Variants in RXRB observed in about 807,000 individuals in gnomAD.
The protein encoded by RXRB is retinoid X receptor beta.
Under a neutral mutation model 52.5 loss-of-function variants are expected in RXRB, and 18 were observed. The ratio of observed to expected loss-of-function variants is 0.34; its 90% confidence interval spans 0.24 to 0.51. The LOEUF is 0.51. Ranked by LOEUF, RXRB falls within the 20% of genes least tolerant of loss-of-function variation. RXRB has a pLI of 0.97. For missense variants in RXRB, 455 were observed against 698.2 expected, an observed-to-expected ratio of 0.65 and a Z score of 3.92; for synonymous variants, 233 against 267.1, an observed-to-expected ratio of 0.87 and a Z score of 1.25.
Position 33,196,251 on chromosome 6 carries a change from G to T in RXRB, c.993+183C>A. ...CTGCCAGTGGGTTGTTTGGGGAGTG[G>T]AGACAGAAGGAGCTATCACATCCAC... On this transcript the variant is annotated intron_variant, in intron 5 of 9. Coordinates refer to ENST00000374680, the MANE Select transcript of RXRB (RefSeq NM_021976.5). This position sits in a 1 kb window ranked among gnomAD's most constrained non-coding sequence, Gnocchi z 4.0. The T allele has an allele frequency of 1.1e-6, 1 of 908,794 alleles. No homozygotes were observed. Among genetic ancestry groups the T allele is most frequent in the Non-Finnish European group, 1.8e-6 (1 of 558,954 alleles). 56.3% of individuals were successfully genotyped at this position (908,794 alleles called of 1,614,324 possible).
Position 33,200,607 on chromosome 6 carries a change from C to G in RXRB, c.-131G>C, listed in dbSNP as rs1774438854. On this transcript the variant is annotated 5_prime_UTR_variant, in exon 1 of 10. Transcript: ENST00000374680. This position sits in a 1 kb window ranked among gnomAD's most constrained non-coding sequence, Gnocchi z 6.3. ...CTGGATTGGGTCGAATTAAGCCCGT[C>G]GCTCTGCTCAGTACCAAAATGACAG... 5 of 1,492,198 alleles carry G rather than the reference C, an allele frequency of 3.4e-6. No homozygotes were observed. The highest frequency in any genetic ancestry group is 4.5e-6 in the Non-Finnish European group (5 of 1,121,094). The allele number at this position is 1,492,198 out of a possible 1,614,324, so 92.4% of individuals were successfully genotyped here.
chr6:33,196,276 C>A lies in RXRB; in HGVS notation c.993+158G>T. ...GAGACAGAAGGAGCTATCACATCCA[C>A]CTCAGATGTTTGAAAGACCTTGTTT... On this transcript the variant is annotated intron_variant, in intron 5 of 9. Transcript: ENST00000374680. The surrounding 1 kb of genome is among the most constrained non-coding windows in gnomAD (Gnocchi z 4.0). 1 of 949,154 alleles carries A rather than the reference C, an allele frequency of 1.1e-6. No individual in the cohort carries two copies. Among genetic ancestry groups the A allele is most frequent in the Non-Finnish European group, 1.7e-6 (1 of 586,354 alleles). 58.8% of individuals were successfully genotyped at this position (949,154 alleles called of 1,614,324 possible). A position where few individuals can be genotyped will look rare whatever the true frequency, so the allele number is the denominator to read the frequency against.
chr6:33,199,273 G>T lies in RXRB; in HGVS notation c.379C>A (p.Pro127Thr). The change falls in exon 2 of 10, where the codon CCC (proline) becomes ACC (threonine). Residue 127 changes from proline (P) to threonine (T), a missense_variant. Physicochemically the swap from Pro to Thr is conservative, Grantham distance 38. Transcript: ENST00000374680. ...GAPPPPPMPPPPLGSPFPVIS... is the reference protein window; with the variant it reads ...GAPPPPPMPPTPLGSPFPVIS... ...ACTGGAAAGGGAGAGCCCAGTGGGG[G>T]TGGTGGCATCGGGGGTGGGGGTGGG... The T allele has an allele frequency of 1.9e-6, 2 of 1,037,162 alleles. No homozygotes were observed. Among genetic ancestry groups the T allele is most frequent in the African/African-American group, 1.7e-5 (1 of 60,226 alleles). 64.2% of individuals were successfully genotyped at this position (1,037,162 alleles called of 1,614,324 possible).
chr6:33,196,163 T>TA lies in RXRB; in HGVS notation c.994-128dup. 2 of 1,191,816 alleles carry TA rather than the reference T, an allele frequency of 1.7e-6. No homozygotes were observed. The highest frequency in any genetic ancestry group is 2.4e-6 in the Non-Finnish European group (2 of 822,760). 73.8% of individuals were successfully genotyped at this position (1,191,816 alleles called of 1,614,324 possible). A position where few individuals can be genotyped will look rare whatever the true frequency, so the allele number is the denominator to read the frequency against. On this transcript the variant is annotated intron_variant, in intron 5 of 9. Coordinates refer to ENST00000374680, the MANE Select transcript of RXRB (RefSeq NM_021976.5). The surrounding 1 kb of genome is among the most constrained non-coding windows in gnomAD (Gnocchi z 4.0). Reference sequence around the variant, plus strand: ...TGAGCCCCATCCAAACCAATCCCTGTAAGTGAGTCTTCTCTTCTGGCATTA... The same window carrying TA: ...TGAGCCCCATCCAAACCAATCCCTGTAAAGTGAGTCTTCTCTTCTGGCATTA...
At position 33,195,214 on chromosome 6, in the gene RXRB, C is replaced by T. The variant is rs373418260; in HGVS notation, c.1348+149G>A. 2 of 761,746 alleles carry T rather than the reference C, an allele frequency of 2.6e-6. No individual in the cohort carries two copies. The highest frequency in any genetic ancestry group is 1.6e-5 in the South Asian group (1 of 62,894). The allele number at this position is 761,746 out of a possible 1,614,324, so 47.2% of individuals were successfully genotyped here. A position where few individuals can be genotyped will look rare whatever the true frequency, so the allele number is the denominator to read the frequency against. On this transcript the variant is annotated intron_variant, in intron 8 of 9. Coordinates refer to ENST00000374680, the MANE Select transcript of RXRB (RefSeq NM_021976.5). This position sits in a 1 kb window ranked among gnomAD's most constrained non-coding sequence, Gnocchi z 8.6. ...GCCCACTGGGTTTGTGGGATGGATC[C>T]GTGGATGTGGGTTTTTCCTCGGCCA...
chr6:33,198,784 G>C, intron 2 of RXRB: 1 of 488,002 alleles, frequency 2.0e-6, no homozygotes, highest in Non-Finnish European at 3.8e-6. Context: ...CGTGGTGGTA[G>C]GCACCTGTAA....
At chr6:33,198,039 CCT>C (rs1012963663) in intron 3 of RXRB, 98 bp from the exon 4 acceptor site, 16 of 1,344,624 alleles carry the variant, frequency 1.2e-5, no homozygotes, top group African/African-American at 1.5e-5. Flanking sequence ...TAAAGTCCTC[CCT>C]GTTTGCCAAA....
Position 33,194,107 on chromosome 6 carries a change from C to T in RXRB, c.*575G>A, listed in dbSNP as rs1773669238. ...ATCTCCACCAGCCCCTTCACCACCACCACCACCTTTTTTATATTTCAGTCT... is the reference window on the plus strand; with the variant it reads ...ATCTCCACCAGCCCCTTCACCACCATCACCACCTTTTTTATATTTCAGTCT... On this transcript the variant is annotated 3_prime_UTR_variant, in exon 10 of 10. Coordinates refer to ENST00000374680, the MANE Select transcript of RXRB (RefSeq NM_021976.5). The surrounding 1 kb of genome is among the most constrained non-coding windows in gnomAD (Gnocchi z 4.1). 1 of 152,418 alleles carries T rather than the reference C, an allele frequency of 6.6e-6. No homozygotes were observed. Among genetic ancestry groups the T allele is most frequent in the Non-Finnish European group, 1.5e-5 (1 of 68,214 alleles). 9.4% of individuals were successfully genotyped at this position (152,418 alleles called of 1,614,324 possible).
rs771905536 is a variant in RXRB at position 33,194,942 on chromosome 6, C to T, written c.1454+3G>A. 4.3e-6 allele frequency: 7 copies of T among 1,612,288 alleles called. No individual in the cohort carries two copies. In the East Asian group the frequency reaches 1.1e-4, roughly 26 times the overall value. On this transcript the variant is annotated splice_donor_region_variant and intron_variant, in intron 9 of 9. Coordinates refer to ENST00000374680, the MANE Select transcript of RXRB (RefSeq NM_021976.5). The surrounding 1 kb of genome is among the most constrained non-coding windows in gnomAD (Gnocchi z 4.1). ...GCCTCAGTGCCCCCCAGCCCCATCT[C>T]ACCGTCCCTGCTGCTCAGGGTACTT...
chr6:33,200,801 G>C (rs1044998319), upstream of RXRB: 1 of 1,526,706 alleles, frequency 6.6e-7, no homozygotes, highest in Non-Finnish European at 8.8e-7. This position sits in a 1 kb window ranked among gnomAD's most constrained non-coding sequence, Gnocchi z 6.3. Flanking sequence ...GTGCAGGATG[G>C]ATTCGTCGCT....
Position 33,196,080 on chromosome 6 carries a change from G to T in RXRB, c.994-44C>A. ...AGAGTTATGGAAGATTTTGAGATAT[G>T]CTGGGAGCCCCCTTGTAAGAGGCTT... On this transcript the variant is annotated intron_variant, in intron 5 of 9. Coordinates refer to ENST00000374680, the MANE Select transcript of RXRB (RefSeq NM_021976.5). This position sits in a 1 kb window ranked among gnomAD's most constrained non-coding sequence, Gnocchi z 4.0. 1.2e-6 allele frequency: 2 copies of T among 1,610,764 alleles called. No individual in the cohort carries two copies. The highest frequency in any genetic ancestry group is 1.7e-6 in the Non-Finnish European group (2 of 1,178,228).
At position 33,194,492 on chromosome 6, in the gene RXRB, G is replaced by A; in HGVS notation, c.*190C>T. Reference sequence around the variant, plus strand: ...CGAAGAGAGACAACCAGTCCTCACAGGTATCTGGGGTCCCTTCCAACTTGG... The same window carrying A: ...CGAAGAGAGACAACCAGTCCTCACAAGTATCTGGGGTCCCTTCCAACTTGG... On this transcript the variant is annotated 3_prime_UTR_variant, in exon 10 of 10. Coordinates refer to ENST00000374680, the MANE Select transcript of RXRB (RefSeq NM_021976.5). This position sits in a 1 kb window ranked among gnomAD's most constrained non-coding sequence, Gnocchi z 4.1. The A allele has an allele frequency of 1.7e-6, 1 of 579,404 alleles. No individual in the cohort carries two copies. The highest frequency in any genetic ancestry group is 2.6e-5 in the South Asian group (1 of 38,412). 35.9% of individuals were successfully genotyped at this position (579,404 alleles called of 1,614,324 possible). A position where few individuals can be genotyped will look rare whatever the true frequency, so the allele number is the denominator to read the frequency against.
At position 33,200,483 on chromosome 6, in the gene RXRB, T is replaced by C. The variant is rs1266867594; in HGVS notation, c.-7A>G. ...GGCGAGCGGCCCAAGACATGATCCC[T>C]GGCTGAGAGTAGGGATACCGAAGAG... On this transcript the variant is annotated 5_prime_UTR_variant, in exon 1 of 10. Coordinates refer to ENST00000374680, the MANE Select transcript of RXRB (RefSeq NM_021976.5). This position sits in a 1 kb window ranked among gnomAD's most constrained non-coding sequence, Gnocchi z 6.3. 8 of 1,587,024 alleles carry C rather than the reference T, an allele frequency of 5.0e-6. No homozygotes were observed. In the East Asian group the frequency reaches 6.8e-5, roughly 13 times the overall value.
Position 33,196,651 on chromosome 6 carries a change from G to A in RXRB, c.821-45C>T, listed in dbSNP as rs1401784798. 1.3e-6 allele frequency: 2 copies of A among 1,504,330 alleles called. No individual in the cohort carries two copies. Among genetic ancestry groups the A allele is most frequent in the South Asian group, 1.3e-5 (1 of 79,154 alleles). 93.2% of individuals were successfully genotyped at this position (1,504,330 alleles called of 1,614,324 possible). On this transcript the variant is annotated intron_variant, in intron 4 of 9. Transcript: ENST00000374680. This position sits in a 1 kb window ranked among gnomAD's most constrained non-coding sequence, Gnocchi z 4.0. ...AGAAAAAATGGAAAGTCAGCAGCCAGCCATGAAGGGGTTCCACAAATATCC... is the reference window on the plus strand; with the variant it reads ...AGAAAAAATGGAAAGTCAGCAGCCAACCATGAAGGGGTTCCACAAATATCC...
rs371635559 is a variant in RXRB at position 33,197,907 on chromosome 6, G to A, written c.675C>T (p.Cys225=). The stretch of plus-strand genomic sequence containing the variant: ...GGATGGTGCGTTTGAAGAAGCCCTT[G>A]CAACCCTCACAGCTGTAAACCCCGT... ...KHYGVYSCEG[C]KGFFKRTIRK... is the part of the protein sequence containing the mutation. Residue 225 remains cysteine (C), a synonymous_variant, in exon 4 of 10, where the codon TGC becomes TGT. Coordinates refer to ENST00000374680, the MANE Select transcript of RXRB (RefSeq NM_021976.5). The surrounding 1 kb of genome is among the most constrained non-coding windows in gnomAD (Gnocchi z 4.4). 28 of 1,613,386 alleles carry A rather than the reference G, an allele frequency of 1.7e-5. No individual in the cohort carries two copies. The African/African-American group carries it at 3.2e-4, about 18-fold the overall frequency.
Position 33,200,001 on chromosome 6 carries a change from C to T in RXRB, c.235+241G>A. ...CCTGAGGTTTAAGAGGAATCGTGCC[C>T]TTCCCAGGCCCGCGACCTCCGGTGC... On this transcript the variant is annotated intron_variant, in intron 1 of 9. Transcript: ENST00000374680. This position sits in a 1 kb window ranked among gnomAD's most constrained non-coding sequence, Gnocchi z 6.3. 1.3e-6 allele frequency: 1 copy of T among 771,202 alleles called. No homozygotes were observed. The highest frequency in any genetic ancestry group is 2.4e-6 in the Non-Finnish European group (1 of 424,776). 47.8% of individuals were successfully genotyped at this position (771,202 alleles called of 1,614,324 possible). A position where few individuals can be genotyped will look rare whatever the true frequency, so the allele number is the denominator to read the frequency against.
Position 33,200,244 on chromosome 6 carries a change from C to A in RXRB, c.233G>T (p.Arg78Leu). ...AGRDGMGDSG[R>L]DSRSPDSSSP... Reference sequence around the variant, plus strand: ...TGCCCTTCTGCTGGGGCACTCACCCCGCCCGCTGTCGCCCATCCCGTCCCG... The same window carrying A: ...TGCCCTTCTGCTGGGGCACTCACCCAGCCCGCTGTCGCCCATCCCGTCCCG... Residue 78 changes from arginine to leucine, a missense_variant and splice_region_variant, in exon 1 of 10, where the codon CGG becomes CTG. Physicochemically the swap from Arg to Leu is moderately radical, Grantham distance 102. This residue lies in a region of RXRB where 225 missense variants were observed against 258.6 expected (regional missense o/e 0.87). Transcript: ENST00000374680. The surrounding 1 kb of genome is among the most constrained non-coding windows in gnomAD (Gnocchi z 6.3). 1 of 1,606,090 alleles carries A rather than the reference C, an allele frequency of 6.2e-7. No individual in the cohort carries two copies. Among genetic ancestry groups the A allele is most frequent in the Non-Finnish European group, 8.5e-7 (1 of 1,177,868 alleles).
chr6:33,199,321 G>C lies in RXRB; in HGVS notation c.331C>G (p.Pro111Ala). The C allele has an allele frequency of 8.5e-7, 1 of 1,181,704 alleles. No homozygotes were observed. The highest frequency in any genetic ancestry group is 1.6e-5 in the African/African-American group (1 of 62,696). 73.2% of individuals were successfully genotyped at this position (1,181,704 alleles called of 1,614,324 possible). Residue 111 changes from proline (P) to alanine (A), a missense_variant, in exon 2 of 10, where the codon CCA (proline) becomes GCA (alanine). Physicochemically the swap from Pro to Ala is conservative, Grantham distance 27 (BLOSUM62 -1). Around this residue, in one of 4 missense-constraint regions of RXRB, gnomAD observed 225 missense variants for 258.6 expected, o/e 0.87. Coordinates refer to ENST00000374680, the MANE Select transcript of RXRB (RefSeq NM_021976.5). ...GGGGCCCCAGAGCCTCCAAGGGATG[G>C]AGCTGTTGAAGGGGGTAGGGGTGGC... ...PGPPLPPSTA[P>A]SLGGSGAPPP... is the part of the protein sequence containing the mutation.
Position 33,194,600 on chromosome 6 carries a change from C to A in RXRB, c.*82G>T. ...CCCCATCAAGGTTCTGGGAACATGG[C>A]CCCCCACCCTGCCCCAGGGCTTGGA... is the stretch of plus-strand genomic sequence containing the variant. On this transcript the variant is annotated 3_prime_UTR_variant, in exon 10 of 10. Coordinates refer to ENST00000374680, the MANE Select transcript of RXRB (RefSeq NM_021976.5). The surrounding 1 kb of genome is among the most constrained non-coding windows in gnomAD (Gnocchi z 4.1). The A allele has an allele frequency of 6.8e-7, 1 of 1,476,142 alleles. No homozygotes were observed. The highest frequency in any genetic ancestry group is 1.3e-5 in the South Asian group (1 of 78,456). 91.4% of individuals were successfully genotyped at this position (1,476,142 alleles called of 1,614,324 possible).
Sources: gnomAD v4.1 joint callset for allele counts on GRCh38, gnomAD v4.1.1 for gene constraint, gnomAD v4.1.1 regional missense constraint, Gnocchi (gnomAD v3.1) non-coding constraint, MANE v1.5 for transcripts, NCBI Gene and HGNC (gene_info 2026-07-23, HGNC 2026-07-21) for gene names.